The following RTL4 variants were observed in gnomAD, a reference collection of about 807,000 sequenced individuals.
RTL4 encodes retrotransposon Gag-like protein 4.
In RTL4, 4 loss-of-function variants were observed where a neutral mutation model predicts 5.3. That is an observed-to-expected ratio of 0.75 (90% CI 0.37 to 1.72). The LOEUF is 1.72. Ranked by LOEUF, RTL4 falls within the 40% of genes most tolerant of loss-of-function variation. The probability of loss-of-function intolerance (pLI) is 0.04; values close to 1 mark genes in which losing one functional copy is unlikely to be tolerated. For synonymous variants in RTL4, 98 were observed against 87.3 expected (o/e 1.12, Z -0.68); for missense variants, 260 against 227.1 (o/e 1.14, Z -0.93).
chrX:112,207,888 G>C, the RTL4 span, among the ~76,000 whole-genome samples: 58 of 110,135 alleles, frequency 5.3e-4, no homozygotes, highest in Non-Finnish European at 9.1e-4. Context: ...CACAACACTG[G>C]GCCCTAGTGT....
the RTL4 span, among the ~76,000 whole-genome samples, chrX:112,167,425 C>T: frequency 0.066 from 7,391 of 111,334 alleles, 544 homozygotes; most frequent in African/African-American, 0.22. Flanking sequence ...TTTTTCCTGA[C>T]CTCTAGAGGC....
At chrX:112,120,327 A>G in the RTL4 span, among the ~76,000 whole-genome samples, 5 of 112,364 alleles carry the variant, frequency 4.4e-5, no homozygotes, top group Admixed American at 9.4e-5. Flanking sequence ...CCCAGGCTGT[A>G]GTGCAGTGGC....
the RTL4 span, among the ~76,000 whole-genome samples, chrX:112,324,893 T>C: frequency 8.9e-6 from 1 of 111,767 alleles, no homozygotes; most frequent in Non-Finnish European, 1.9e-5. Context: ...CTAAATATTC[T>C]ATTTTTGTTG....
At chrX:112,250,222 T>C in the RTL4 span, among the ~76,000 whole-genome samples, 1 of 107,486 alleles carries the variant, frequency 9.3e-6, no homozygotes, top group East Asian at 2.9e-4. Flanking sequence ...GAGCTTGCAG[T>C]GAGCCGAGAT....
At chrX:112,243,844 A>G in the RTL4 span, among the ~76,000 whole-genome samples, 4 of 111,470 alleles carry the variant, frequency 3.6e-5, no homozygotes, top group African/African-American at 1.3e-4. Flanking sequence ...AGTGCTATAA[A>G]TTCCCTCTAC....
the RTL4 span, among the ~76,000 whole-genome samples, chrX:112,192,648 T>C: frequency 2.7e-5 from 3 of 111,761 alleles, no homozygotes; most frequent in African/African-American, 9.7e-5. Flanking sequence ...ATTTTTGTTC[T>C]TCTATAGCTC....
exon 1 of RTL4, chrX:112,456,335 G>T: frequency 3.2e-6 from 1 of 308,654 alleles, no homozygotes; most frequent in Non-Finnish European, 5.9e-6. Flanking sequence ...TTACAAACCA[G>T]ATTGAATGGG....
the RTL4 span, among the ~76,000 whole-genome samples, chrX:112,155,223 T>C: frequency 9.0e-6 from 1 of 110,601 alleles, no homozygotes; most frequent in Non-Finnish European, 1.9e-5. Flanking sequence ...GAAAATGGCC[T>C]TCTAGATAAC....
the RTL4 span, among the ~76,000 whole-genome samples, chrX:112,390,150 T>TA: frequency 1.9e-5 from 1 of 53,481 alleles, no homozygotes; most frequent in Admixed American, 2.5e-4. Flanking sequence ...TATATATATA[T>TA]ATATATATAT....
the RTL4 span, among the ~76,000 whole-genome samples, chrX:112,308,080 C>T: frequency 9.0e-6 from 1 of 111,439 alleles, no homozygotes; most frequent in Admixed American, 9.6e-5. Context: ...GTTAAGAGTG[C>T]TTGAGTTATG....
the RTL4 span, among the ~76,000 whole-genome samples, chrX:112,345,739 T>C: frequency 9.0e-6 from 1 of 111,346 alleles, no homozygotes; most frequent in East Asian, 2.9e-4. Flanking sequence ...TATGACTTAC[T>C]TTGATGTGGG....
At chrX:112,301,647 T>C in the RTL4 span, among the ~76,000 whole-genome samples, 1 of 108,531 alleles carries the variant, frequency 9.2e-6, no homozygotes, top group Non-Finnish European at 1.9e-5. Context: ...AGAAGAGAAG[T>C]GTATAGAGGA....
At chrX:112,177,730 T>C in the RTL4 span, among the ~76,000 whole-genome samples, 2 of 111,276 alleles carry the variant, frequency 1.8e-5, no homozygotes, top group African/African-American at 6.5e-5. Context: ...TTGTACATGT[T>C]GTCTAACAGT....
the RTL4 span, among the ~76,000 whole-genome samples, chrX:112,155,071 A>G: frequency 9.0e-6 from 1 of 110,875 alleles, no homozygotes; most frequent in Non-Finnish European, 1.9e-5. Context: ...GATGTCATCA[A>G]TGGAGCAGAC....
chrX:112,136,330 C>G, the RTL4 span, among the ~76,000 whole-genome samples: 13 of 111,309 alleles, frequency 1.2e-4, no homozygotes, highest in African/African-American at 4.2e-4. Flanking sequence ...CCTTTTCTTA[C>G]CTGATTGCTT....
the RTL4 span, among the ~76,000 whole-genome samples, chrX:112,431,759 T>G: frequency 2.1e-4 from 23 of 109,657 alleles, no homozygotes; most frequent in African/African-American, 7.3e-4. Context: ...TGTTAAGTTT[T>G]AGGGTACATG....
the RTL4 span, among the ~76,000 whole-genome samples, chrX:112,219,507 C>G: frequency 3.6e-5 from 4 of 112,037 alleles, no homozygotes; most frequent in East Asian, 1.1e-3. Flanking sequence ...GAGCTAACAC[C>G]TCTCCTCTTT....
the RTL4 span, among the ~76,000 whole-genome samples, chrX:112,210,098 A>G: frequency 8.9e-6 from 1 of 111,902 alleles, no homozygotes; most frequent in Non-Finnish European, 1.9e-5. Context: ...CCCACTCAAC[A>G]ATGGCAGCCT....
At chrX:112,116,776 C>G in the RTL4 span, among the ~76,000 whole-genome samples, 1 of 111,864 alleles carries the variant, frequency 8.9e-6, no homozygotes, top group Non-Finnish European at 1.9e-5. Context: ...CTTCACCTCA[C>G]TAAGAGTCCA....
Sources: allele counts gnomAD v4.1 joint callset (sites outside exome capture counted in the v4.1 genomes callset), GRCh38; gene constraint gnomAD v4.1.1; transcripts MANE v1.5; gene names NCBI Gene and HGNC (gene_info 2026-07-23, HGNC 2026-07-21).